CNGA4: variants seen among roughly 807,000 people sequenced by gnomAD.
The protein encoded by CNGA4 is cyclic nucleotide gated channel subunit alpha 4, also known as cyclic nucleotide-gated channel alpha-4.
A neutral mutation model predicts 45.6 loss-of-function variants in CNGA4; 32 were observed. The observed-to-expected ratio is 0.70, with a 90% CI of 0.53 to 0.94. The LOEUF is 0.94. Ranked by LOEUF, CNGA4 falls within the 40% of genes least tolerant of loss-of-function variation. The pLI, the probability that CNGA4 is intolerant of heterozygous loss-of-function variation, is 0.00. For missense variants in CNGA4, 726 were observed against 755.1 expected (o/e 0.96, Z 0.45); for synonymous variants, 293 against 304.6 (o/e 0.96, Z 0.40).
At chr11:6,235,406 C>T (rs1847817948), upstream of CNGA4, 1 of 912,912 alleles carries the variant, frequency 1.1e-6, no homozygotes. Flanking sequence ...GAACCGGCCT[C>T]TGCTCTCCAG....
chr11:6,235,497 T>G (rs1847819445), upstream of CNGA4: 1 of 985,308 alleles, frequency 1.0e-6, no homozygotes, highest in African/African-American at 1.7e-5. Context: ...ATGATTTGCA[T>G]GTATAGAGGA....
In CNGA4 at chr11:6,240,623, G is replaced by A. The variant is rs2133876132; in HGVS notation, c.829G>A (p.Ala277Thr). ...SVIYNMNTAD[A>T]AFYPDHALVK... ...CATCTACAACATGAACACTGCAGAT[G>A]CGGCTTTCTACCCAGATCATGCACT... is the stretch of plus-strand genomic sequence containing the variant. The change falls in exon 4 of 6, where the codon GCG (alanine) becomes ACG (threonine). Residue 277 changes from alanine to threonine, a missense_variant. Physicochemically the swap from Ala to Thr is moderately conservative, Grantham distance 58. Coordinates refer to ENST00000379936, the MANE Select transcript of CNGA4 (RefSeq NM_001037329.4). This position sits in a 1 kb window ranked among gnomAD's most constrained non-coding sequence, Gnocchi z 4.9. 6 of 1,614,210 alleles carry A rather than the reference G, an allele frequency of 3.7e-6. No homozygotes were observed. Among genetic ancestry groups the A allele is most frequent in the Non-Finnish European group, 5.1e-6 (6 of 1,180,044 alleles).
At chr11:6,239,538 G>C in intron 2 of CNGA4, 53 bp downstream of exon 2, 1 of 1,590,450 alleles carries the variant, frequency 6.3e-7, no homozygotes, top group Non-Finnish European at 8.6e-7. Context: ...GGACTAAAGA[G>C]AGGTCAAGGA....
At chr11:6,235,303 C>T (rs1340415965), upstream of CNGA4, among the ~76,000 whole-genome samples, 1 of 152,236 alleles carries the variant, frequency 6.6e-6, no homozygotes, top group Non-Finnish European at 1.5e-5. Flanking sequence ...TCCCCCAACA[C>T]CGCTGTGCTG....
chr11:6,237,043 G>C (rs1156995879), upstream of CNGA4, among the ~76,000 whole-genome samples: 2 of 152,182 alleles, frequency 1.3e-5, no homozygotes, highest in African/African-American at 4.8e-5. Context: ...CTGTCAAACA[G>C]AACTTCTCAC....
upstream of CNGA4, among the ~76,000 whole-genome samples, chr11:6,236,587 T>G (rs1448276986): frequency 6.6e-6 from 1 of 152,196 alleles, no homozygotes; most frequent in Non-Finnish European, 1.5e-5. Context: ...ATATTAGAAT[T>G]CAGGATAGTG....
Position 6,240,494 on chromosome 11 carries a change from G to A in CNGA4, c.700G>A (p.Asp234Asn), listed in dbSNP as rs1847900827. 2.5e-6 allele frequency: 4 copies of A among 1,614,198 alleles called. No individual in the cohort carries two copies. Among genetic ancestry groups the A allele is most frequent in the East Asian group, 4.5e-5 (2 of 44,874 alleles). ...FSTLILTTVG[D>N]TPPPAREEEY... ...CACGCTGATACTGACTACAGTGGGC[G>A]ATACACCGCCGCCAGCCAGGGAAGA... Residue 234 changes from aspartate to asparagine, a missense_variant, in exon 4 of 6, where the codon GAT becomes AAT. Transcript: ENST00000379936. The surrounding 1 kb of genome is among the most constrained non-coding windows in gnomAD (Gnocchi z 4.9).
Position 6,239,165 on chromosome 11 carries a change from A to T in CNGA4, c.-42A>T. On this transcript the variant is annotated 5_prime_UTR_variant, in exon 1 of 6. Transcript: ENST00000379936. Reference sequence around the variant, plus strand: ...CTCCAGAAGTCCCCTACAGGCAGAGAGGGTGTGGACATCTCACACCCCAGC... The same window carrying T: ...CTCCAGAAGTCCCCTACAGGCAGAGTGGGTGTGGACATCTCACACCCCAGC... The T allele has an allele frequency of 6.2e-7, 1 of 1,612,446 alleles. No homozygotes were observed. Among genetic ancestry groups the T allele is most frequent in the East Asian group, 2.2e-5 (1 of 44,886 alleles).
rs773492976 is a variant in CNGA4 at position 6,239,696 on chromosome 11, C to T, written c.177C>T (p.Pro59=). ...LIILVCRACF[P]DLQHGYLVAW... ...CCCTGCCCTGCAGAGCCTGCTTCCC[C>T]GACTTGCAGCACGGTTATCTGGTGG... Residue 59 remains proline (P), a synonymous_variant, in exon 3 of 6, where the codon CCC becomes CCT. Coordinates refer to ENST00000379936, the MANE Select transcript of CNGA4 (RefSeq NM_001037329.4). 2.5e-6 allele frequency: 4 copies of T among 1,613,922 alleles called. No homozygotes were observed. Among genetic ancestry groups the T allele is most frequent in the East Asian group, 2.2e-5 (1 of 44,882 alleles).
downstream of CNGA4, among the ~76,000 whole-genome samples, chr11:6,244,585 T>TACACACACACACACAC: frequency 7.1e-6 from 1 of 141,828 alleles, no homozygotes; most frequent in Non-Finnish European, 1.5e-5. This position sits in a 1 kb window ranked among gnomAD's most constrained non-coding sequence, Gnocchi z 4.5. Context: ...CACTTACCAG[T>TACACACACACACACAC]ACACACACAC....
upstream of CNGA4, among the ~76,000 whole-genome samples, chr11:6,235,127 G>A (rs892424691): frequency 6.6e-6 from 1 of 152,200 alleles, no homozygotes; most frequent in Non-Finnish European, 1.5e-5. Flanking sequence ...TGGGTGTGGA[G>A]GGGCGAGGCT....
rs760324772 is a variant in CNGA4 at position 6,239,369 on chromosome 11, C to CT, written c.63-12dup. 6.2e-7 allele frequency: 1 copy of CT among 1,613,574 alleles called. No homozygotes were observed. The highest frequency in any genetic ancestry group is 2.2e-5 in the East Asian group (1 of 44,876). ...TGCCTGGTGAATAAATGAAGCAAGA[C>CT]TTTCTTTCTTACAGGAAGTTGCTGC... is the stretch of plus-strand genomic sequence containing the variant. On this transcript the variant is annotated splice_polypyrimidine_tract_variant and intron_variant, in intron 1 of 5. Coordinates refer to ENST00000379936, the MANE Select transcript of CNGA4 (RefSeq NM_001037329.4).
intron 5 of CNGA4, among the ~76,000 whole-genome samples, chr11:6,242,445 T>C (rs146148523): frequency 6.0e-4 from 91 of 152,188 alleles, no homozygotes; most frequent in African/African-American, 2.1e-3. Flanking sequence ...ATCACAGGTA[T>C]TAGGCATGAG....
At chr11:6,243,877 TG>T in intron 5 of CNGA4, 71 bp from the exon 6 acceptor site, 1 of 1,385,872 alleles carries the variant, frequency 7.2e-7, no homozygotes. Flanking sequence ...GTGAAGGTCC[TG>T]GTTCAGGAGT....
At position 6,244,415 on chromosome 11, in the gene CNGA4, TC is replaced by T; in HGVS notation, c.*10del. 6.3e-7 allele frequency: 1 copy of T among 1,598,976 alleles called. No individual in the cohort carries two copies. Among genetic ancestry groups the T allele is most frequent in the Non-Finnish European group, 8.5e-7 (1 of 1,172,028 alleles). ...GACCCCCAGGTCCAGAGTGACCCCATCCCCATCCCCAGGATTCCCACCTCCT... is the reference window on the plus strand; with the variant it reads ...GACCCCCAGGTCCAGAGTGACCCCATCCCATCCCCAGGATTCCCACCTCCT... On this transcript the variant is annotated 3_prime_UTR_variant, in exon 6 of 6. Coordinates refer to ENST00000379936, the MANE Select transcript of CNGA4 (RefSeq NM_001037329.4). This position sits in a 1 kb window ranked among gnomAD's most constrained non-coding sequence, Gnocchi z 4.5.
Position 6,239,995 on chromosome 11 carries a change from C to A in CNGA4, c.272-71C>A, listed in dbSNP as rs906866901. On this transcript the variant is annotated intron_variant, in intron 3 of 5. Coordinates refer to ENST00000379936, the MANE Select transcript of CNGA4 (RefSeq NM_001037329.4). ...TCCTTCAGACAGTCTCCCTGGCCTGCCCTGGGCAGCTCATGCTCAGCCCAA... is the reference window on the plus strand; with the variant it reads ...TCCTTCAGACAGTCTCCCTGGCCTGACCTGGGCAGCTCATGCTCAGCCCAA... 9 of 1,530,982 alleles carry A rather than the reference C, an allele frequency of 5.9e-6. No individual in the cohort carries two copies. The Admixed American group carries it at 1.3e-4, about 23-fold the overall frequency. The allele number at this position is 1,530,982 out of a possible 1,614,324, so 94.8% of individuals were successfully genotyped here. A position where few individuals can be genotyped will look rare whatever the true frequency, so the allele number is the denominator to read the frequency against.
chr11:6,239,585 C>A, intron 2 of CNGA4, 99 bp from the exon 3 acceptor site: 2 of 1,549,066 alleles, frequency 1.3e-6, no homozygotes, highest in Non-Finnish European at 1.8e-6. Flanking sequence ...AGGAGCAATT[C>A]CCATGGGAGG....
upstream of CNGA4, chr11:6,235,440 T>A (rs1337081224): frequency 1.2e-5 from 12 of 971,958 alleles, no homozygotes; most frequent in Admixed American, 6.2e-5. Flanking sequence ...TGCAGCGTAG[T>A]GTAATAAGTA....
In CNGA4 at chr11:6,239,248, C is replaced by A. The variant is rs915748554; in HGVS notation, c.42C>A (p.Pro14=). 1.9e-6 allele frequency: 3 copies of A among 1,614,058 alleles called. No individual in the cohort carries two copies. Among genetic ancestry groups the A allele is most frequent in the Non-Finnish European group, 2.5e-6 (3 of 1,180,024 alleles). Residue 14 remains proline (P), a synonymous_variant, in exon 1 of 6, where the codon CCC becomes CCA. Transcript: ENST00000379936. ...DTKVKTTESS[P]PAPSKARKLL... ...AAGTGAAGACAACAGAGTCCAGTCC[C>A]CCAGCCCCATCCAAGGCCAGGTGAG...
Sources: gnomAD v4.1 joint callset for allele counts (sites outside exome capture counted in the v4.1 genomes callset) on GRCh38, gnomAD v4.1.1 for gene constraint, Gnocchi (gnomAD v3.1) non-coding constraint, MANE v1.5 for transcripts, NCBI Gene and HGNC (gene_info 2026-07-23, HGNC 2026-07-21) for gene names.